SOX13: variants seen among roughly 807,000 people sequenced by gnomAD.
SOX13 encodes SRY-box transcription factor 13, also known as transcription factor SOX-13.
SOX13 carries 28 observed loss-of-function variants against 71.8 expected under a neutral mutation model. That is an observed-to-expected ratio of 0.39 (90% CI 0.29 to 0.53). SOX13 has a LOEUF of 0.53. Ranked by LOEUF, SOX13 falls within the 20% of genes least tolerant of loss-of-function variation. SOX13 has a pLI of 0.70. For missense variants in SOX13, 627 were observed against 810.3 expected (o/e 0.77, Z 2.75); for synonymous variants, 309 against 317.8 (o/e 0.97, Z 0.29).
chr1:204,096,083 G>T (rs932150957), intron 1 of SOX13, among the ~76,000 whole-genome samples: 1 of 152,060 alleles, frequency 6.6e-6, no homozygotes, highest in Non-Finnish European at 1.5e-5. Context: ...ATGGACACTT[G>T]AGTTGTTTCC....
intron 13 of SOX13, 66 bp from the exon 14 acceptor site, chr1:204,125,792 A>G (rs940933342): frequency 1.4e-5 from 21 of 1,525,326 alleles, no homozygotes; most frequent in Non-Finnish European, 1.8e-5. Flanking sequence ...GGAGGCCTGG[A>G]GGGGAGATGG....
At chr1:204,088,917 A>G (rs1656080846) in intron 1 of SOX13, among the ~76,000 whole-genome samples, 2 of 152,158 alleles carry the variant, frequency 1.3e-5, no homozygotes, top group South Asian at 4.1e-4. Context: ...GAGCTCATGA[A>G]GGGAGATGCT....
At chr1:204,086,020 T>A (rs1656011015) in intron 1 of SOX13, among the ~76,000 whole-genome samples, 1 of 151,890 alleles carries the variant, frequency 6.6e-6, no homozygotes, top group Admixed American at 6.6e-5. Context: ...TCTAGCCTTC[T>A]AGGCAGAGAC....
intron 1 of SOX13, among the ~76,000 whole-genome samples, chr1:204,098,472 CAA>C (rs565698884): frequency 7.2e-6 from 1 of 138,318 alleles, no homozygotes. Flanking sequence ...GAGCGAGACT[CAA>C]AAAAAAAAAA....
intron 1 of SOX13, 73 bp from the exon 2 acceptor site, chr1:204,112,842 C>A: frequency 7.6e-7 from 1 of 1,318,104 alleles, no homozygotes; most frequent in Non-Finnish European, 1.1e-6. Flanking sequence ...GGGGAGCAAA[C>A]AGTAGGGTCA....
At chr1:204,100,290 T>C (rs1417080472) in intron 1 of SOX13, among the ~76,000 whole-genome samples, 1 of 152,254 alleles carries the variant, frequency 6.6e-6, no homozygotes, top group African/African-American at 2.4e-5. Flanking sequence ...CTAAATAGTC[T>C]TGAATGTCAC....
intron 6 of SOX13, 67 bp from the exon 7 acceptor site, chr1:204,117,526 T>TG: frequency 1.0e-6 from 1 of 1,004,784 alleles, no homozygotes. Context: ...CTCTGTGCCA[T>TG]GGGCTGACCA....
Position 204,123,553 on chromosome 1 carries a change from C to T in SOX13, c.1232-108C>T, listed in dbSNP as rs1656856001. On this transcript the variant is annotated intron_variant, in intron 11 of 13. Coordinates refer to ENST00000367204, the MANE Select transcript of SOX13 (RefSeq NM_005686.3). The surrounding 1 kb of genome is among the most constrained non-coding windows in gnomAD (Gnocchi z 5.0). ...CTCCTCGGCTGGCTGCTGTGGGAGC[C>T]TCCTCAGTGCCTCCTGCTGGTCAAG... 1 of 1,245,118 alleles carries T rather than the reference C, an allele frequency of 8.0e-7. No individual in the cohort carries two copies. The highest frequency in any genetic ancestry group is 1.1e-6 in the Non-Finnish European group (1 of 906,924). The allele number at this position is 1,245,118 out of a possible 1,614,324, so 77.1% of individuals were successfully genotyped here. A position where few individuals can be genotyped will look rare whatever the true frequency, so the allele number is the denominator to read the frequency against.
chr1:204,091,743 T>C (rs1427002361), intron 1 of SOX13, among the ~76,000 whole-genome samples: 1 of 151,612 alleles, frequency 6.6e-6, no homozygotes, highest in Admixed American at 6.6e-5. Flanking sequence ...CGTGTGTGTG[T>C]GTGTGTGTGT....
chr1:204,121,053 C>T (rs1235339051), intron 7 of SOX13, among the ~76,000 whole-genome samples: 2 of 150,100 alleles, frequency 1.3e-5, no homozygotes, highest in African/African-American at 4.9e-5. Flanking sequence ...AATCTCGACT[C>T]ACTGCAACCT....
intron 1 of SOX13, among the ~76,000 whole-genome samples, chr1:204,091,919 T>G (rs760867270): frequency 1.1e-4 from 16 of 152,236 alleles, no homozygotes; most frequent in Non-Finnish European, 2.2e-4. Context: ...TTTGTTTCTT[T>G]GCTTTCTTTC....
chr1:204,076,675 T>C (rs1655792763), intron 1 of SOX13, among the ~76,000 whole-genome samples: 2 of 152,186 alleles, frequency 1.3e-5, no homozygotes, highest in Admixed American at 6.5e-5. Flanking sequence ...CAGGCTCCTG[T>C]CCTCCTTTCT....
In SOX13 at chr1:204,122,964, G is replaced by A; in HGVS notation, c.1134+1G>A. On this transcript the variant is annotated splice_donor_variant, in intron 10 of 13. Coordinates refer to ENST00000367204, the MANE Select transcript of SOX13 (RefSeq NM_005686.3). LOFTEE classifies it high-confidence loss of function. The stretch of plus-strand genomic sequence containing the variant: ...CTCCCCCAACACCCCCTTCCGTAAG[G>A]TATGGTCCCCCACTCCCTTGAGCCT... 1.3e-6 allele frequency: 2 copies of A among 1,578,970 alleles called. No homozygotes were observed. The highest frequency in any genetic ancestry group is 1.7e-6 in the Non-Finnish European group (2 of 1,156,562).
At chr1:204,116,075 AC>A in intron 4 of SOX13, 1 of 944,118 alleles carries the variant, frequency 1.1e-6, no homozygotes, top group Non-Finnish European at 1.4e-6. Flanking sequence ...AACTTGCCTA[AC>A]AGCTCACAGA....
In SOX13 at chr1:204,122,336, C is replaced by T. The variant is rs761742138; in HGVS notation, c.961C>T (p.Arg321Cys). 9.0e-6 allele frequency: 14 copies of T among 1,562,126 alleles called. No homozygotes were observed. Among genetic ancestry groups the T allele is most frequent in the African/African-American group, 2.7e-5 (2 of 73,452 alleles). ...PSLKMSSCVP[R>C]PPSHGGPTRD... ...CCTGAAGATGAGCAGCTGTGTGCCC[C>T]GCCCCCCCAGCCATGGAGGCCCCAC... The change falls in exon 9 of 14, where the codon CGC becomes TGC. Residue 321 changes from arginine to cysteine, a missense_variant. Arg to Cys is a radical substitution (Grantham distance 180). Transcript: ENST00000367204.
intron 1 of SOX13, among the ~76,000 whole-genome samples, chr1:204,083,694 C>T (rs1407698764): frequency 2.0e-5 from 3 of 152,132 alleles, no homozygotes; most frequent in Non-Finnish European, 2.9e-5. Flanking sequence ...TTGGGGACTG[C>T]GGGGGCCTTC....
chr1:204,091,756 G>A (rs1364094228), intron 1 of SOX13, among the ~76,000 whole-genome samples: 1 of 148,000 alleles, frequency 6.8e-6, no homozygotes, highest in African/African-American at 2.5e-5. Flanking sequence ...GTGTGTGTGT[G>A]TTTGTGTTTT....
intron 1 of SOX13, among the ~76,000 whole-genome samples, chr1:204,112,501 G>GCACACACACACACACACACACACA (rs6143576): frequency 1.7e-5 from 1 of 57,888 alleles, no homozygotes; most frequent in African/African-American, 4.0e-5. Flanking sequence ...ACACATGCGT[G>GCACACACACACACACACACACACA]CACACACACA....
At chr1:204,089,682 G>GC (rs1341356978) in intron 1 of SOX13, among the ~76,000 whole-genome samples, 1 of 152,222 alleles carries the variant, frequency 6.6e-6, no homozygotes, top group Non-Finnish European at 1.5e-5. Context: ...ATAGAGCCCT[G>GC]CGGGCACCAG....
Sources: gnomAD v4.1 joint callset for allele counts (sites outside exome capture counted in the v4.1 genomes callset) on GRCh38, gnomAD v4.1.1 for gene constraint, Gnocchi (gnomAD v3.1) non-coding constraint, MANE v1.5 for transcripts, NCBI Gene and HGNC (gene_info 2026-07-23, HGNC 2026-07-21) for gene names.